PCDHAC1: variants seen among roughly 807,000 people sequenced by gnomAD.
The protein encoded by PCDHAC1 is protocadherin alpha-C1.
Under a neutral mutation model 60.0 loss-of-function variants are expected in PCDHAC1, and 42 were observed. The observed-to-expected ratio is 0.70, with a 90% confidence interval of 0.55 to 0.90. PCDHAC1 has a LOEUF of 0.90. Among genes scored for constraint, PCDHAC1 ranks in the 40% least tolerant of loss-of-function variants. PCDHAC1 has a pLI of 0.00. For synonymous variants in PCDHAC1, 468 were observed against 499.3 expected (o/e 0.94, Z 0.84); for missense variants, 1,160 against 1,222.3 (o/e 0.95, Z 0.76).
At chr5:140,972,754 CCCAAG>C (rs1290105832) in intron 1 of PCDHAC1, among the ~76,000 whole-genome samples, 1 of 151,316 alleles carries the variant, frequency 6.6e-6, no homozygotes, top group African/African-American at 2.4e-5. Context: ...ACCTCCGCCT[CCCAAG>C]TTAAAGTGAT....
Position 140,938,565 on chromosome 5 carries a change from A to G in PCDHAC1, c.2433+9240A>G, listed in dbSNP as rs1347602327. Among the ~76,000 whole-genome samples the G allele has an allele frequency of 2.0e-5, 3 of 151,630 alleles. No individual in the cohort carries two copies. The East Asian group carries it at 5.8e-4, about 29-fold the overall frequency. On this transcript the variant is annotated intron_variant, in intron 1 of 3. Coordinates refer to ENST00000253807, the MANE Select transcript of PCDHAC1 (RefSeq NM_018898.5). ...TTTTATCCTTTTATTAATAGCATGC[A>G]TTATATTGGTTGATTTGTTAATGAT...
intron 3 of PCDHAC1, among the ~76,000 whole-genome samples, chr5:141,008,297 A>G (rs2098368469): frequency 6.6e-6 from 1 of 152,178 alleles, no homozygotes; most frequent in South Asian, 2.1e-4. Context: ...GTTGTACCCA[A>G]CCCTAAACTG....
At chr5:140,998,273 A>G (rs1448303020) in intron 3 of PCDHAC1, among the ~76,000 whole-genome samples, 1 of 152,216 alleles carries the variant, frequency 6.6e-6, no homozygotes, top group East Asian at 1.9e-4. Context: ...ACTGACACCC[A>G]TAGGATTAAA....
chr5:140,972,355 G>A (rs1190163389), intron 1 of PCDHAC1, among the ~76,000 whole-genome samples: 3 of 150,946 alleles, frequency 2.0e-5, no homozygotes, highest in Admixed American at 2.0e-4. Context: ...TCACTATGTT[G>A]CACATGCTGT....
At chr5:140,968,684 G>A in intron 1 of PCDHAC1, 1 of 1,614,140 alleles carries the variant, frequency 6.2e-7, no homozygotes, top group Non-Finnish European at 8.5e-7. Flanking sequence ...GCTGCACACA[G>A]GAGAAATTAG....
intron 1 of PCDHAC1, among the ~76,000 whole-genome samples, chr5:140,973,646 A>C (rs1413605589): frequency 1.3e-5 from 2 of 152,216 alleles, no homozygotes; most frequent in African/African-American, 4.8e-5. Flanking sequence ...TTCTGACTGA[A>C]GAAGAAATCT....
At position 141,003,197 on chromosome 5, in the gene PCDHAC1, C is replaced by T. The variant is rs77453404; in HGVS notation, c.2582-6430C>T. 6.7e-3 allele frequency among the ~76,000 whole-genome samples: 1,024 copies of T among 152,320 alleles called. 13 individuals are homozygous for T. Among genetic ancestry groups the T allele is most frequent in the African/African-American group, 0.024 (986 of 41,560 alleles). On this transcript the variant is annotated intron_variant, in intron 3 of 3. Transcript: ENST00000253807. ...GGCTCAACTCCATCAACTCAGGCAGCCAGGGTTAGTTTAGCATGAAAGAGG... is the reference window on the plus strand; with the variant it reads ...GGCTCAACTCCATCAACTCAGGCAGTCAGGGTTAGTTTAGCATGAAAGAGG...
chr5:141,010,052 A>G lies in PCDHAC1; in HGVS notation c.*115A>G. The stretch of plus-strand genomic sequence containing the variant: ...CTACATGAGCCCTCTTAGAGACCTC[A>G]GAAATCTGCAGAAAGTTCCCTGTGT... On this transcript the variant is annotated 3_prime_UTR_variant, in exon 4 of 4. Coordinates refer to ENST00000253807, the MANE Select transcript of PCDHAC1 (RefSeq NM_018898.5). The G allele has an allele frequency of 1.3e-6, 2 of 1,598,970 alleles. No homozygotes were observed. Among genetic ancestry groups the G allele is most frequent in the Non-Finnish European group, 1.7e-6 (2 of 1,172,814 alleles).
rs1388061408 is a variant in PCDHAC1 at position 140,927,755 on chromosome 5, C to G, written c.863C>G (p.Pro288Arg). The G allele has an allele frequency of 3.7e-6, 6 of 1,614,196 alleles. No homozygotes were observed. Among genetic ancestry groups the G allele is most frequent in the Non-Finnish European group, 5.1e-6 (6 of 1,180,030 alleles). Residue 288 changes from proline to arginine, a missense_variant, in exon 1 of 4, where the codon CCT (proline) becomes CGT (arginine). Physicochemically the swap from Pro to Arg is moderately radical, Grantham distance 103. Coordinates refer to ENST00000253807, the MANE Select transcript of PCDHAC1 (RefSeq NM_018898.5). The stretch of plus-strand genomic sequence containing the variant: ...CTGCGACACCGCTTTCACGTGCACC[C>G]TAAAAGTGGGGAGGTGCAAGTAGCT... ...AELRHRFHVH[P>R]KSGEVQVAAS...
At chr5:141,001,276 T>C (rs2098003991) in intron 3 of PCDHAC1, among the ~76,000 whole-genome samples, 1 of 152,210 alleles carries the variant, frequency 6.6e-6, no homozygotes. Context: ...GAACTTTTTT[T>C]ACGGATGAAA....
intron 1 of PCDHAC1, among the ~76,000 whole-genome samples, chr5:140,932,531 G>A (rs1379233805): frequency 4.6e-5 from 7 of 151,752 alleles, no homozygotes; most frequent in Non-Finnish European, 8.9e-5. Context: ...TGGCATTCAA[G>A]GTGCTTTATT....
intron 3 of PCDHAC1, among the ~76,000 whole-genome samples, chr5:141,001,535 G>A (rs2098024806): frequency 6.6e-6 from 1 of 152,182 alleles, no homozygotes; most frequent in South Asian, 2.1e-4. Flanking sequence ...TCTGATCCTG[G>A]ACAGGATTTG....
At chr5:140,970,893 T>C (rs568576965) in intron 1 of PCDHAC1, among the ~76,000 whole-genome samples, 3 of 152,200 alleles carry the variant, frequency 2.0e-5, no homozygotes, top group Non-Finnish European at 4.4e-5. Context: ...CATGGACATT[T>C]CAGATAGATT....
rs1554203924 is a variant in PCDHAC1, at chr5:140,927,027, G to A, written c.135G>A (p.Leu45=). Residue 45 remains leucine (L), a synonymous_variant, in exon 1 of 4, where the codon CTG becomes CTA. Coordinates refer to ENST00000253807, the MANE Select transcript of PCDHAC1 (RefSeq NM_018898.5). The part of the protein sequence containing the change: ...AVGNLSADLR[L]PAAAMSSRNF... Reference sequence around the variant, plus strand: ...GCAATCTCTCCGCGGACTTGAGGCTGCCAGCGGCCGCTATGTCCTCGCGGA... The same window carrying A: ...GCAATCTCTCCGCGGACTTGAGGCTACCAGCGGCCGCTATGTCCTCGCGGA... The A allele has an allele frequency of 1.9e-6, 3 of 1,612,328 alleles. No homozygotes were observed. Among genetic ancestry groups the A allele is most frequent in the Non-Finnish European group, 1.7e-6 (2 of 1,178,920 alleles).
intron 3 of PCDHAC1, among the ~76,000 whole-genome samples, chr5:140,989,525 GAGGA>G (rs2097345403): frequency 6.6e-6 from 1 of 152,218 alleles, no homozygotes; most frequent in African/African-American, 2.4e-5. Flanking sequence ...GAGGGCAGAG[GAGGA>G]AGATAGTTTG....
At chr5:140,985,739 CTTT>C (rs11372071) in intron 3 of PCDHAC1, among the ~76,000 whole-genome samples, 5 of 117,900 alleles carry the variant, frequency 4.2e-5, no homozygotes, top group Non-Finnish European at 1.7e-5. Context: ...TGATGAATTC[CTTT>C]TTTTTTTTTT....
chr5:140,951,779 CA>C (rs1402940575), intron 1 of PCDHAC1, among the ~76,000 whole-genome samples: 1 of 152,142 alleles, frequency 6.6e-6, no homozygotes, highest in East Asian at 1.9e-4. Flanking sequence ...TCTTACATTG[CA>C]AAATACAATT....
chr5:141,006,290 C>G (rs1465211339), intron 3 of PCDHAC1, among the ~76,000 whole-genome samples: 5 of 152,050 alleles, frequency 3.3e-5, no homozygotes, highest in Non-Finnish European at 5.9e-5. Flanking sequence ...CAGCTCACTG[C>G]AAGCTCCACT....
chr5:140,993,828 A>G (rs1170306716), intron 3 of PCDHAC1, among the ~76,000 whole-genome samples: 1 of 152,226 alleles, frequency 6.6e-6, no homozygotes, highest in East Asian at 1.9e-4. Context: ...AGGCTATACC[A>G]TATAGCCTAG....
Sources: gnomAD v4.1 joint callset for allele counts (sites outside exome capture counted in the v4.1 genomes callset) on GRCh38, gnomAD v4.1.1 for gene constraint, MANE v1.5 for transcripts, NCBI Gene and HGNC (gene_info 2026-07-23, HGNC 2026-07-21) for gene names.